The following CACNA2D1 variants were observed in gnomAD, a reference collection of about 807,000 sequenced individuals.
CACNA2D1 encodes the protein calcium voltage-gated channel auxiliary subunit alpha2delta 1.
CACNA2D1 carries 53 observed loss-of-function variants against 171.5 expected under a neutral mutation model. The ratio of observed to expected loss-of-function variants is 0.31; its 90% CI spans 0.25 to 0.39. The LOEUF (loss-of-function observed/expected upper bound fraction) is 0.39. CACNA2D1 is among the 10% of genes least tolerant of loss of function. The pLI is 1.00. For missense variants in CACNA2D1, 903 were observed against 1,299.8 expected, an observed-to-expected ratio of 0.69 and a Z score of 4.69; for synonymous variants, 442 against 443.1, an observed-to-expected ratio of 1.00 and a Z score of 0.03.
chr7:82,375,778 T>C (rs1035878902), intron 1 of CACNA2D1, among the ~76,000 whole-genome samples: 6 of 152,208 alleles, frequency 3.9e-5, no homozygotes, highest in Non-Finnish European at 8.8e-5. Context: ...CCAAATATTA[T>C]TGATTTCATT....
chr7:82,397,423 C>A (rs79740252), intron 1 of CACNA2D1, among the ~76,000 whole-genome samples: 1 of 151,258 alleles, frequency 6.6e-6, no homozygotes, highest in Admixed American at 6.6e-5. Flanking sequence ...CGTTTTTTTT[C>A]TTTGAATATA....
intron 1 of CACNA2D1, among the ~76,000 whole-genome samples, chr7:82,404,146 A>G (rs533237080): frequency 1.3e-5 from 2 of 152,300 alleles, no homozygotes; most frequent in Admixed American, 1.3e-4. Context: ...CACAGACCAA[A>G]GAGTCAAAAT....
At chr7:82,192,848 G>C (rs1313868509) in intron 3 of CACNA2D1, among the ~76,000 whole-genome samples, 2 of 150,198 alleles carry the variant, frequency 1.3e-5, no homozygotes, top group Non-Finnish European at 1.5e-5. Context: ...TCCGTACTTT[G>C]AGATTGCTCC....
rs148821317 is a variant in CACNA2D1 at position 82,377,018 on chromosome 7, C to T, written c.96-27369G>A. ...CCTACTTCAAAACTGTTCTCTAATG[C>T]AAGGATTATTGATAGAAGCTTCTTG... is the stretch of plus-strand genomic sequence containing the variant. On this transcript the variant is annotated intron_variant, in intron 1 of 38. Coordinates refer to ENST00000356860, the MANE Select transcript of CACNA2D1 (RefSeq NM_000722.4). 4.7e-3 allele frequency among the ~76,000 whole-genome samples: 716 copies of T among 152,232 alleles called. 4 individuals are homozygous for T. Among genetic ancestry groups the T allele is most frequent in the African/African-American group, 0.017 (694 of 41,540 alleles).
rs944544578 is a variant in CACNA2D1 at position 82,425,864 on chromosome 7, C to T, written c.95+17501G>A. On this transcript the variant is annotated intron_variant, in intron 1 of 38. Transcript: ENST00000356860. ...CTGTTTGGGGCTGGGCGTGGTGGCT[C>T]ACTCCTGTAATCCCTGCAATTTGGG... 8.6e-5 allele frequency among the ~76,000 whole-genome samples: 13 copies of T among 151,240 alleles called. 1 individual carries two copies. The South Asian group carries it at 2.7e-3, about 32-fold the overall frequency.
chr7:82,415,936 G>C (rs1828122919), intron 1 of CACNA2D1, among the ~76,000 whole-genome samples: 1 of 151,708 alleles, frequency 6.6e-6, no homozygotes, highest in South Asian at 2.1e-4. Context: ...TAGAATTACA[G>C]GTGTGAGGTG....
At chr7:82,179,373 T>C (rs1472867967) in intron 3 of CACNA2D1, among the ~76,000 whole-genome samples, 2 of 152,132 alleles carry the variant, frequency 1.3e-5, no homozygotes, top group Non-Finnish European at 2.9e-5. Context: ...CCTAATACTA[T>C]AGTCCTGCTG....
chr7:82,404,004 G>C (rs2237528), intron 1 of CACNA2D1, among the ~76,000 whole-genome samples: 35,252 of 152,148 alleles, frequency 0.23, 4,509 homozygotes, highest in East Asian at 0.47. Flanking sequence ...AATGTAAGTA[G>C]TGAATAGTTT....
chr7:82,261,384 A>G (rs1278704334), intron 3 of CACNA2D1, among the ~76,000 whole-genome samples: 2 of 152,120 alleles, frequency 1.3e-5, no homozygotes, highest in African/African-American at 2.4e-5. Flanking sequence ...TTATCTCCAA[A>G]CTTCCCATCC....
chr7:82,083,176 A>G (rs1159041166), intron 7 of CACNA2D1, among the ~76,000 whole-genome samples: 1 of 151,932 alleles, frequency 6.6e-6, no homozygotes, highest in Non-Finnish European at 1.5e-5. Flanking sequence ...CCTTACTTAT[A>G]TATGGAATAT....
chr7:82,289,677 C>A (rs1359670911), intron 3 of CACNA2D1, among the ~76,000 whole-genome samples: 1 of 152,224 alleles, frequency 6.6e-6, no homozygotes, highest in African/African-American at 2.4e-5. Context: ...GAATCTCTAT[C>A]AACAAATACT....
chr7:82,387,671 A>G (rs888709585), intron 1 of CACNA2D1, among the ~76,000 whole-genome samples: 1 of 152,234 alleles, frequency 6.6e-6, no homozygotes, highest in Non-Finnish European at 1.5e-5. Flanking sequence ...CCAAGAGCAC[A>G]ATAGTAATAG....
At chr7:82,153,053 A>G (rs1200275210) in intron 4 of CACNA2D1, among the ~76,000 whole-genome samples, 1 of 150,572 alleles carries the variant, frequency 6.6e-6, no homozygotes, top group Non-Finnish European at 1.5e-5. Flanking sequence ...TAACATTCAA[A>G]GTAGATTGTG....
chr7:82,016,609 CG>C (rs1554354012), intron 12 of CACNA2D1, among the ~76,000 whole-genome samples: 1,700 of 7,038 alleles, frequency 0.24, 125 homozygotes, highest in African/African-American at 0.43. Context: ...ACTAGCCGCC[CG>C]CCCCCCCCCC....
intron 3 of CACNA2D1, among the ~76,000 whole-genome samples, chr7:82,291,408 TATA>T (rs200523650): frequency 0.053 from 7,175 of 136,652 alleles, 278 homozygotes; most frequent in South Asian, 0.082. Context: ...ACACTAGATA[TATA>T]ATATCTAGAT....
chr7:82,234,587 G>GA (rs1803328822), intron 3 of CACNA2D1, among the ~76,000 whole-genome samples: 1 of 138,528 alleles, frequency 7.2e-6, no homozygotes, highest in Non-Finnish European at 1.6e-5. Flanking sequence ...TATCACTTTA[G>GA]AAAAAAAATA....
intron 1 of CACNA2D1, among the ~76,000 whole-genome samples, chr7:82,426,425 A>G (rs1482147880): frequency 1.3e-5 from 2 of 152,140 alleles, no homozygotes; most frequent in African/African-American, 2.4e-5. Context: ...ATGCCTTATG[A>G]GCTCAGATAC....
chr7:82,158,613 C>T (rs1584952409), intron 4 of CACNA2D1, among the ~76,000 whole-genome samples: 1 of 152,026 alleles, frequency 6.6e-6, no homozygotes, highest in East Asian at 1.9e-4. Flanking sequence ...TCAAAAGCCT[C>T]AGTGAAGTCT....
chr7:81,968,442 G>C (rs2130388897), intron 29 of CACNA2D1, among the ~76,000 whole-genome samples: 1 of 151,352 alleles, frequency 6.6e-6, no homozygotes, highest in African/African-American at 2.4e-5. Flanking sequence ...CACTTTAACA[G>C]ACGCCTACTA....
Sources: allele counts gnomAD v4.1 joint callset (sites outside exome capture counted in the v4.1 genomes callset), GRCh38; gene constraint gnomAD v4.1.1; transcripts MANE v1.5; gene names NCBI Gene and HGNC (gene_info 2026-07-23, HGNC 2026-07-21).